The following ITGA6 variants were observed in gnomAD, a reference collection of about 807,000 sequenced individuals.
ITGA6 encodes the protein integrin alpha-6.
Under a neutral mutation model 133.6 loss-of-function variants are expected in ITGA6, and 63 were observed. The ratio of observed to expected loss-of-function variants is 0.47; its 90% CI spans 0.38 to 0.58. ITGA6 has a LOEUF of 0.58. Ranked by LOEUF, ITGA6 falls within the 20% of genes least tolerant of loss-of-function variation. ITGA6 has a pLI of 0.00. For missense variants in ITGA6, 1,068 were observed against 1,309.4 expected, an observed-to-expected ratio of 0.82 and a Z score of 2.85; for synonymous variants, 434 against 482.0, an observed-to-expected ratio of 0.90 and a Z score of 1.30.
chr2:172,438,500 G>A (rs1684414317), intron 1 of ITGA6, among the ~76,000 whole-genome samples: 1 of 151,840 alleles, frequency 6.6e-6, no homozygotes, highest in African/African-American at 2.4e-5. Context: ...GAACTTCACT[G>A]AGGCAGATGG....
chr2:172,480,096 A>G (rs202119674), intron 11 of ITGA6, 45 bp downstream of exon 11: 1 of 1,131,322 alleles, frequency 8.8e-7, no homozygotes, highest in East Asian at 2.3e-5. Flanking sequence ...TCTGTCTGCC[A>G]GGTTGAAAGT....
intron 1 of ITGA6, among the ~76,000 whole-genome samples, chr2:172,450,617 G>T (rs981288761): frequency 6.6e-6 from 1 of 151,944 alleles, no homozygotes; most frequent in Non-Finnish European, 1.5e-5. Flanking sequence ...ATGACTTCTA[G>T]GTTTCTGGCC....
At position 172,427,801 on chromosome 2, in the gene ITGA6, G is replaced by A. The variant is rs753245055; in HGVS notation, c.13G>A (p.Gly5Arg). 6 of 1,596,550 alleles carry A rather than the reference G, an allele frequency of 3.8e-6. No individual in the cohort carries two copies. Among genetic ancestry groups the A allele is most frequent in the African/African-American group, 1.4e-5 (1 of 73,370 alleles). ...CGTGCGTCCGCCCATGGCCGCCGCCGGGCAGCTGTGCTTGCTCTACCTGTC... is the reference window on the plus strand; with the variant it reads ...CGTGCGTCCGCCCATGGCCGCCGCCAGGCAGCTGTGCTTGCTCTACCTGTC... MAAA[G>R]QLCLLYLSAG... Residue 5 changes from glycine (G) to arginine (R), a missense_variant, in exon 1 of 26, where the codon GGG (glycine) becomes AGG (arginine). Transcript: ENST00000684293.
intron 5 of ITGA6, chr2:172,472,833 C>T (rs370443376): frequency 2.0e-5 from 33 of 1,612,426 alleles, no homozygotes; most frequent in African/African-American, 1.6e-4. Flanking sequence ...TTATAAAACA[C>T]GGCCTCCCCG....
chr2:172,487,530 G>A lies in ITGA6; in HGVS notation c.2161-17G>A, dbSNP rs377682187. On this transcript the variant is annotated splice_polypyrimidine_tract_variant and intron_variant, in intron 15 of 25. Coordinates refer to ENST00000684293, the MANE Select transcript of ITGA6 (RefSeq NM_000210.4). ...GCAAATGAGTGGATTGTGACCTAGC[G>A]TGTGTTTCTTTTACAGGAGAAACAG... is the stretch of plus-strand genomic sequence containing the variant. 1,794 of 1,612,442 alleles carry A rather than the reference G, an allele frequency of 1.1e-3. 5 individuals are homozygous for A. The highest frequency in any genetic ancestry group is 2.6e-3 in the Middle Eastern group (16 of 6,062).
intron 1 of ITGA6, among the ~76,000 whole-genome samples, chr2:172,461,341 G>C (rs1272319122): frequency 2.6e-5 from 4 of 152,150 alleles, no homozygotes; most frequent in Non-Finnish European, 1.5e-5. Context: ...TTTCGGTGCA[G>C]CTTTAAAATT....
intron 1 of ITGA6, among the ~76,000 whole-genome samples, chr2:172,443,015 A>C (rs1213659646): frequency 6.6e-6 from 1 of 152,162 alleles, no homozygotes; most frequent in Non-Finnish European, 1.5e-5. Context: ...CATGGTACAA[A>C]TATTAAAACT....
chr2:172,429,203 TAGG>T, intron 1 of ITGA6, among the ~76,000 whole-genome samples: 1 of 151,982 alleles, frequency 6.6e-6, no homozygotes, highest in Middle Eastern at 3.4e-3. Context: ...TAACACCTGC[TAGG>T]TGAAGCACAG....
chr2:172,453,451 G>T (rs115112210), intron 1 of ITGA6, among the ~76,000 whole-genome samples: 7,967 of 152,264 alleles, frequency 0.052, 363 homozygotes, highest in East Asian at 0.26. Context: ...CTTGAGCCCA[G>T]GAGGTGGTTG....
In ITGA6 at chr2:172,485,157, A is replaced by T. The variant is rs1318611840; in HGVS notation, c.1747A>T (p.Thr583Ser). The change falls in exon 13 of 26, where the codon ACT (threonine) becomes TCT (serine). Residue 583 changes from threonine (T) to serine (S), a missense_variant. Transcript: ENST00000684293. ...AGATAAACTGCGTCCCATTCCCATA[A>T]CTGCCTCAGTGGAGATCCAAGAGCC... is the stretch of plus-strand genomic sequence containing the variant. ...IRDKLRPIPI[T>S]ASVEIQEPSS... The T allele has an allele frequency of 6.2e-7, 1 of 1,613,862 alleles. No individual in the cohort carries two copies. The highest frequency in any genetic ancestry group is 1.1e-5 in the South Asian group (1 of 91,074).
intron 3 of ITGA6, 117 bp from the exon 4 acceptor site, chr2:172,469,008 C>A: frequency 1.8e-6 from 2 of 1,105,106 alleles, no homozygotes; most frequent in Non-Finnish European, 2.7e-6. Context: ...AAGATGAGGA[C>A]ATGCTTAATC....
At chr2:172,497,781 G>C (rs1687189997) in intron 23 of ITGA6, among the ~76,000 whole-genome samples, 194 bp from the exon 24 acceptor site, 1 of 152,112 alleles carries the variant, frequency 6.6e-6, no homozygotes, top group South Asian at 2.1e-4. Context: ...CAAGATTCTG[G>C]GGAAAGATCT....
chr2:172,453,307 G>A (rs540153157), intron 1 of ITGA6, among the ~76,000 whole-genome samples: 1 of 152,028 alleles, frequency 6.6e-6, no homozygotes, highest in Admixed American at 6.6e-5. Context: ...CAGGAGGATC[G>A]CTTAAGCTCA....
At chr2:172,472,124 C>A (rs1283558194) in intron 5 of ITGA6, among the ~76,000 whole-genome samples, 1 of 152,202 alleles carries the variant, frequency 6.6e-6, no homozygotes, top group Non-Finnish European at 1.5e-5. Flanking sequence ...GAGTTCAAGA[C>A]CAGCCTGGCC....
At chr2:172,459,666 AC>A (rs1462043449) in intron 1 of ITGA6, among the ~76,000 whole-genome samples, 1 of 152,214 alleles carries the variant, frequency 6.6e-6, no homozygotes, top group African/African-American at 2.4e-5. Flanking sequence ...CAGCATAAAG[AC>A]ATTTTTGTAT....
At chr2:172,455,895 G>A (rs1406182184) in intron 1 of ITGA6, among the ~76,000 whole-genome samples, 1 of 152,212 alleles carries the variant, frequency 6.6e-6, no homozygotes, top group Non-Finnish European at 1.5e-5. Context: ...TTGACTTCTT[G>A]TTTAAAGGGA....
intron 1 of ITGA6, among the ~76,000 whole-genome samples, chr2:172,445,261 C>T (rs1050402050): frequency 5.3e-5 from 8 of 151,300 alleles, no homozygotes; most frequent in East Asian, 1.9e-4. Flanking sequence ...CCACTGTGCC[C>T]GGCTGGTATT....
chr2:172,471,130 C>CT (rs1685916883), intron 5 of ITGA6, 25 bp downstream of exon 5: 3 of 1,613,462 alleles, frequency 1.9e-6, no homozygotes, highest in Non-Finnish European at 2.5e-6. Flanking sequence ...AGATGGCTGC[C>CT]TTTGCCCACC....
At chr2:172,449,922 CAAAAAAA>C (rs753594850) in intron 1 of ITGA6, among the ~76,000 whole-genome samples, 6 of 77,680 alleles carry the variant, frequency 7.7e-5, no homozygotes, top group African/African-American at 2.3e-4. Context: ...ACTTCCTCTC[CAAAAAAA>C]AAAAAAAAAA....
Sources: gnomAD v4.1 joint callset for allele counts (sites outside exome capture counted in the v4.1 genomes callset) on GRCh38, gnomAD v4.1.1 for gene constraint, MANE v1.5 for transcripts, NCBI Gene and HGNC (gene_info 2026-07-23, HGNC 2026-07-21) for gene names.